Variants in GARRE1 observed in about 807,000 individuals in gnomAD.
GARRE1 encodes the protein granule associated Rac and RHOG effector protein 1.
A neutral mutation model predicts 103.2 loss-of-function variants in GARRE1; 49 were observed. The ratio of observed to expected loss-of-function variants is 0.47; its 90% CI spans 0.38 to 0.60. The LOEUF (loss-of-function observed/expected upper bound fraction) is 0.60. GARRE1 is among the 20% of genes least tolerant of loss of function. The pLI is 0.00. For synonymous variants in GARRE1, 505 were observed against 532.8 expected, an observed-to-expected ratio of 0.95 and a Z score of 0.72; for missense variants, 1,199 against 1,370.5, an observed-to-expected ratio of 0.87 and a Z score of 1.98.
intron 1 of GARRE1, among the ~76,000 whole-genome samples, chr19:34,293,363 C>G (rs907963510): frequency 6.6e-6 from 1 of 150,894 alleles, no homozygotes; most frequent in African/African-American, 2.4e-5. Flanking sequence ...GTTTGATCCT[C>G]TCTCTCTTGA....
At chr19:34,326,588 GCT>G (rs2074112995) in intron 3 of GARRE1, among the ~76,000 whole-genome samples, 1 of 151,888 alleles carries the variant, frequency 6.6e-6, no homozygotes, top group African/African-American at 2.4e-5. Context: ...GATTTCAAAA[GCT>G]CTGTTTTTCT....
chr19:34,350,871 G>A (rs1410779760), intron 12 of GARRE1, among the ~76,000 whole-genome samples: 3 of 150,080 alleles, frequency 2.0e-5, no homozygotes, highest in Admixed American at 6.7e-5. Flanking sequence ...GTGAGCCACC[G>A]CACCCGGCCG....
At chr19:34,298,907 T>C (rs2073962177) in intron 1 of GARRE1, among the ~76,000 whole-genome samples, 1 of 152,192 alleles carries the variant, frequency 6.6e-6, no homozygotes, top group Non-Finnish European at 1.5e-5. Context: ...TATTTGAACC[T>C]ATCCAGAGTC....
chr19:34,352,562 G>C, intron 13 of GARRE1, 85 bp from the exon 14 acceptor site: 1 of 1,159,256 alleles, frequency 8.6e-7, no homozygotes, highest in South Asian at 1.4e-5. Context: ...CTTCCTAGGA[G>C]GGAATAAGGG....
intron 1 of GARRE1, among the ~76,000 whole-genome samples, chr19:34,276,448 A>T (rs1339628837): frequency 6.6e-6 from 1 of 152,146 alleles, no homozygotes; most frequent in Non-Finnish European, 1.5e-5. Flanking sequence ...AGGGAAAAAG[A>T]GTGTGTGTGG....
intron 1 of GARRE1, among the ~76,000 whole-genome samples, chr19:34,256,206 C>T (rs1252646368): frequency 6.6e-6 from 1 of 151,630 alleles, no homozygotes; most frequent in Middle Eastern, 3.2e-3. Context: ...ATTTTTCTGT[C>T]TCTTTGTCAT....
At chr19:34,261,174 A>G (rs2073715804) in intron 1 of GARRE1, among the ~76,000 whole-genome samples, 1 of 152,130 alleles carries the variant, frequency 6.6e-6, no homozygotes, top group Admixed American at 6.6e-5. Context: ...AGAGAATGTG[A>G]GTGGTTGAGG....
chr19:34,280,003 A>AAAAAAAG (rs1568527426), intron 1 of GARRE1, among the ~76,000 whole-genome samples: 1 of 147,282 alleles, frequency 6.8e-6, no homozygotes, highest in Non-Finnish European at 1.5e-5. Context: ...AAAAAAAAAA[A>AAAAAAAG]AAAAGTGGTT....
Position 34,347,178 on chromosome 19 carries a change from G to A in GARRE1, c.2522-699G>A, listed in dbSNP as rs145594198. On this transcript the variant is annotated intron_variant, in intron 10 of 13. Coordinates refer to ENST00000299505, the MANE Select transcript of GARRE1 (RefSeq NM_014686.5). ...ATCTCAGCTCACTGCGACCTCTGCC[G>A]CCTGGGTTCAAGTGATTGTCCTGCC... Among the ~76,000 whole-genome samples the A allele has an allele frequency of 3.2e-3, 483 of 151,196 alleles. 2 individuals carry two copies. Among genetic ancestry groups the A allele is most frequent in the African/African-American group, 0.011 (464 of 41,120 alleles).
intron 10 of GARRE1, 105 bp from the exon 11 acceptor site, chr19:34,347,772 C>A: frequency 1.8e-6 from 2 of 1,123,672 alleles, no homozygotes; most frequent in Non-Finnish European, 2.5e-6. Flanking sequence ...GGCAGCTCCT[C>A]ACTGCCTTTC....
At position 34,355,179 on chromosome 19, in the gene GARRE1, A is replaced by C. The variant is rs532994997; in HGVS notation, c.*2224A>C. ...AGGTCAATCCTTGATGCTCCAGCACAGGTGACGTCACTAATTGTCACTTTC... is the reference window on the plus strand; with the variant it reads ...AGGTCAATCCTTGATGCTCCAGCACCGGTGACGTCACTAATTGTCACTTTC... On this transcript the variant is annotated 3_prime_UTR_variant, in exon 14 of 14. Coordinates refer to ENST00000299505, the MANE Select transcript of GARRE1 (RefSeq NM_014686.5). 6.5e-6 allele frequency: 1 copy of C among 152,700 alleles called. No individual in the cohort carries two copies. The highest frequency in any genetic ancestry group is 2.4e-5 in the African/African-American group (1 of 41,478). 9.5% of individuals were successfully genotyped at this position (152,700 alleles called of 1,614,324 possible). A position where few individuals can be genotyped will look rare whatever the true frequency, so the allele number is the denominator to read the frequency against.
At chr19:34,329,856 T>C (rs999084428) in intron 6 of GARRE1, among the ~76,000 whole-genome samples, 10 of 149,220 alleles carry the variant, frequency 6.7e-5, no homozygotes, top group African/African-American at 2.5e-4. Context: ...AAAAAAAAAA[T>C]GCTCTTTTCC....
intron 1 of GARRE1, among the ~76,000 whole-genome samples, chr19:34,286,186 CTTAT>C (rs763367134): frequency 2.0e-5 from 3 of 151,512 alleles, no homozygotes; most frequent in Non-Finnish European, 2.9e-5. Flanking sequence ...AACAAAAAAA[CTTAT>C]TTATCACTTT....
At chr19:34,317,165 C>A (rs1220853902) in intron 2 of GARRE1, among the ~76,000 whole-genome samples, 1 of 152,232 alleles carries the variant, frequency 6.6e-6, no homozygotes, top group Non-Finnish European at 1.5e-5. Flanking sequence ...CTTTTCCTTC[C>A]CATCCGTCTG....
intron 1 of GARRE1, among the ~76,000 whole-genome samples, chr19:34,278,802 G>T (rs944593107): frequency 2.0e-5 from 3 of 152,010 alleles, no homozygotes; most frequent in Non-Finnish European, 4.4e-5. Flanking sequence ...CTCCCAAGTA[G>T]CTGGAACTAC....
intron 1 of GARRE1, among the ~76,000 whole-genome samples, chr19:34,287,393 G>GT (rs966443823): frequency 5.9e-5 from 9 of 152,130 alleles, no homozygotes; most frequent in African/African-American, 2.2e-4. Context: ...CTGGACTCAA[G>GT]TGACCCTCCT....
At chr19:34,335,207 A>G (rs74463196) in intron 8 of GARRE1, among the ~76,000 whole-genome samples, 2,222 of 152,320 alleles carry the variant, frequency 0.015, 24 homozygotes, top group South Asian at 0.026. Flanking sequence ...CTGGAGGGCA[A>G]TTTAGTATAT....
chr19:34,276,128 A>G lies in GARRE1; in HGVS notation c.-796+21514A>G, dbSNP rs553672980. The stretch of plus-strand genomic sequence containing the variant: ...GTGCCATCTTGGCTCACTGCAGCCT[A>G]TGTTTCCTAGGTTCAAGCAGTTCTC... On this transcript the variant is annotated intron_variant, in intron 1 of 13. Coordinates refer to ENST00000299505, the MANE Select transcript of GARRE1 (RefSeq NM_014686.5). 6.6e-5 allele frequency among the ~76,000 whole-genome samples: 10 copies of G among 151,804 alleles called. No individual in the cohort carries two copies. In the East Asian group the frequency reaches 7.8e-4, roughly 12 times the overall value.
At chr19:34,312,544 T>C (rs2074041942) in intron 2 of GARRE1, among the ~76,000 whole-genome samples, 1 of 152,224 alleles carries the variant, frequency 6.6e-6, no homozygotes, top group Non-Finnish European at 1.5e-5. Flanking sequence ...AATCATAGAA[T>C]ATTTGTCCTT....
Sources: gnomAD v4.1 joint callset for allele counts (sites outside exome capture counted in the v4.1 genomes callset) on GRCh38, gnomAD v4.1.1 for gene constraint, MANE v1.5 for transcripts, NCBI Gene and HGNC (gene_info 2026-07-23, HGNC 2026-07-21) for gene names.